The following KIF13A variants were observed in gnomAD, a reference collection of about 807,000 sequenced individuals.
KIF13A encodes kinesin-like protein KIF13A.
In KIF13A, 79 loss-of-function variants were observed where a neutral mutation model predicts 212.2. The observed-to-expected ratio is 0.37, with a 90% CI of 0.31 to 0.45. KIF13A has a LOEUF of 0.45. Among genes scored for constraint, KIF13A ranks in the 20% least tolerant of loss-of-function variants. KIF13A has a pLI of 1.00. For synonymous variants in KIF13A, 789 were observed against 808.6 expected, an observed-to-expected ratio of 0.98 and a Z score of 0.41; for missense variants, 1,901 against 2,209.0, an observed-to-expected ratio of 0.86 and a Z score of 2.79.
At chr6:17,937,292 T>C (rs1776548375) in intron 2 of KIF13A, among the ~76,000 whole-genome samples, 1 of 152,214 alleles carries the variant, frequency 6.6e-6, no homozygotes, top group Non-Finnish European at 1.5e-5. Context: ...CTCTGGTAAC[T>C]CCAATATTTG....
intron 2 of KIF13A, among the ~76,000 whole-genome samples, chr6:17,931,198 C>T (rs1373004942): frequency 6.6e-6 from 1 of 152,144 alleles, no homozygotes; most frequent in East Asian, 1.9e-4. Context: ...CCAGTTTATT[C>T]TAAGGTCACG....
At chr6:17,836,738 A>G in intron 11 of KIF13A, 140 bp downstream of exon 11, 1 of 781,260 alleles carries the variant, frequency 1.3e-6, no homozygotes, top group South Asian at 1.6e-5. Flanking sequence ...ACTGGTGATT[A>G]CAATTCAACA....
chr6:17,846,366 A>C (rs897751015), intron 9 of KIF13A, among the ~76,000 whole-genome samples: 1 of 152,124 alleles, frequency 6.6e-6, no homozygotes, highest in Non-Finnish European at 1.5e-5. Flanking sequence ...TGAGACTCTC[A>C]GAGTGTATGA....
rs149719669 is a variant in KIF13A, at chr6:17,779,236, C to CATATAT, written c.3940-143_3940-138dup. On this transcript the variant is annotated intron_variant, in intron 32 of 38. Coordinates refer to ENST00000259711, the MANE Select transcript of KIF13A (RefSeq NM_022113.6). ...TAGATACTGATATTTTTTAAAGTAG[C>CATATAT]ATATATATATATATATATATATTTT... 5.8e-3 allele frequency: 1,487 copies of CATATAT among 254,442 alleles called. 17 individuals are homozygous for CATATAT. The highest frequency in any genetic ancestry group is 0.02 in the African/African-American group (421 of 21,256). The allele number at this position is 254,442 out of a possible 1,614,324, so 15.8% of individuals were successfully genotyped here.
intron 25 of KIF13A, among the ~76,000 whole-genome samples, chr6:17,790,662 C>T (rs1017742160): frequency 3.0e-4 from 45 of 152,286 alleles, no homozygotes; most frequent in African/African-American, 1.0e-3. Context: ...TAGGACCACA[C>T]AGATAATGGC....
In KIF13A at chr6:17,900,786, C is replaced by T. The variant is rs1334024166; in HGVS notation, c.147-2606G>A. Among the ~76,000 whole-genome samples, 1 of 152,066 alleles carries T rather than the reference C, an allele frequency of 6.6e-6. No homozygotes were observed. Among genetic ancestry groups the T allele is most frequent in the African/African-American group, 2.4e-5 (1 of 41,392 alleles). On this transcript the variant is annotated intron_variant, in intron 2 of 38. Coordinates refer to ENST00000259711, the MANE Select transcript of KIF13A (RefSeq NM_022113.6). The surrounding 1 kb of genome is among the most constrained non-coding windows in gnomAD (Gnocchi z 4.6). ...TAAGGGACTCGAACAAAACTGAGAGCTCAGTCCAGGGGCCAGGCACAGTGG... is the reference window on the plus strand; with the variant it reads ...TAAGGGACTCGAACAAAACTGAGAGTTCAGTCCAGGGGCCAGGCACAGTGG...
At chr6:17,833,010 T>C (rs1765584655) in intron 12 of KIF13A, among the ~76,000 whole-genome samples, 1 of 95,302 alleles carries the variant, frequency 1.0e-5, no homozygotes, top group Non-Finnish European at 1.8e-5. Context: ...AGAGACTCTG[T>C]CTGCAAAAAA....
At position 17,963,467 on chromosome 6, in the gene KIF13A, G is replaced by A. The variant is rs1433131565; in HGVS notation, c.146+23587C>T. Among the ~76,000 whole-genome samples the A allele has an allele frequency of 2.6e-5, 4 of 152,148 alleles. No homozygotes were observed. The highest frequency in any genetic ancestry group is 5.9e-5 in the Non-Finnish European group (4 of 68,034). ...AGAAGAGCATCATGTGAAGTAACAT[G>A]GATAGATAAGGTCTTACAATATGAA... On this transcript the variant is annotated intron_variant, in intron 2 of 38. Transcript: ENST00000259711. This position sits in a 1 kb window ranked among gnomAD's most constrained non-coding sequence, Gnocchi z 4.1.
At position 17,799,709 on chromosome 6, in the gene KIF13A, C is replaced by T. The variant is rs371014797; in HGVS notation, c.2616+243G>A. 2.2e-4 allele frequency among the ~76,000 whole-genome samples: 34 copies of T among 152,250 alleles called. No homozygotes were observed. The highest frequency in any genetic ancestry group is 7.7e-4 in the African/African-American group (32 of 41,550). On this transcript the variant is annotated intron_variant, in intron 21 of 38. Coordinates refer to ENST00000259711, the MANE Select transcript of KIF13A (RefSeq NM_022113.6). The surrounding 1 kb of genome is among the most constrained non-coding windows in gnomAD (Gnocchi z 4.4). ...TGAGATGCAACCTTTAATAGAAAAA[C>T]ATAATTCACTAAGCAACATACACTT...
rs1344172821 is a variant in KIF13A at position 17,777,549 on chromosome 6, T to G, written c.4093-195A>C. 6.6e-6 allele frequency among the ~76,000 whole-genome samples: 1 copy of G among 151,688 alleles called. No individual in the cohort carries two copies. The highest frequency in any genetic ancestry group is 2.4e-5 in the African/African-American group (1 of 41,300). Reference sequence around the variant, plus strand: ...GTGCACGCCACCACACTCGGCTAATTTTTTTTTGTATTTTAGTAGAGACGG... The same window carrying G: ...GTGCACGCCACCACACTCGGCTAATGTTTTTTTGTATTTTAGTAGAGACGG... On this transcript the variant is annotated intron_variant, in intron 33 of 38. Coordinates refer to ENST00000259711, the MANE Select transcript of KIF13A (RefSeq NM_022113.6). This position sits in a 1 kb window ranked among gnomAD's most constrained non-coding sequence, Gnocchi z 4.4.
chr6:17,862,788 A>G (rs1768940691), intron 4 of KIF13A, among the ~76,000 whole-genome samples: 1 of 152,132 alleles, frequency 6.6e-6, no homozygotes, highest in African/African-American at 2.4e-5. Flanking sequence ...CTCTACTAAA[A>G]ATATAAAAAA....
At position 17,785,623 on chromosome 6, in the gene KIF13A, A is replaced by G; in HGVS notation, c.3380T>C (p.Val1127Ala). ...SNKTEKTEDD[V>A]EREAQLVEQW... ...CTCCACAAGCTGGGCTTCCCGCTCC[A>G]CATCGTCCTCTGTTTTCTCTGCAGA... The change falls in exon 28 of 39, where the codon GTG becomes GCG. Residue 1127 changes from valine (V) to alanine (A), a missense_variant. By Grantham distance (64) the Val-to-Ala change is moderately conservative (BLOSUM62 0). Coordinates refer to ENST00000259711, the MANE Select transcript of KIF13A (RefSeq NM_022113.6). This position sits in a 1 kb window ranked among gnomAD's most constrained non-coding sequence, Gnocchi z 5.8. The G allele has an allele frequency of 1.2e-6, 2 of 1,605,888 alleles. No individual in the cohort carries two copies. Among genetic ancestry groups the G allele is most frequent in the Non-Finnish European group, 8.5e-7 (1 of 1,176,382 alleles).
Position 17,817,245 on chromosome 6 carries a change from A to G in KIF13A, c.1787-12T>C, listed in dbSNP as rs1427843363. The G allele has an allele frequency of 3.1e-6, 5 of 1,612,292 alleles. No individual in the cohort carries two copies. The highest frequency in any genetic ancestry group is 2.5e-6 in the Non-Finnish European group (3 of 1,178,344). Reference sequence around the variant, plus strand: ...ATTTTGAACTGGGTCTAGTGAGCCAAGAGACAAGGCAAGGTGTCTTAGTGG... The same window carrying G: ...ATTTTGAACTGGGTCTAGTGAGCCAGGAGACAAGGCAAGGTGTCTTAGTGG... On this transcript the variant is annotated splice_polypyrimidine_tract_variant and intron_variant, in intron 16 of 38. Coordinates refer to ENST00000259711, the MANE Select transcript of KIF13A (RefSeq NM_022113.6).
At chr6:17,974,508 A>G (rs905380128) in intron 2 of KIF13A, among the ~76,000 whole-genome samples, 1 of 152,212 alleles carries the variant, frequency 6.6e-6, no homozygotes, top group African/African-American at 2.4e-5. Context: ...ACCCCCAGAC[A>G]CTGTGGAGCA....
At chr6:17,928,139 G>A (rs985909512) in intron 2 of KIF13A, among the ~76,000 whole-genome samples, 1 of 152,164 alleles carries the variant, frequency 6.6e-6, no homozygotes, top group Non-Finnish European at 1.5e-5. Flanking sequence ...AAAATAAACT[G>A]AAGTCTGTGA....
chr6:17,807,361 G>T (rs1056045106), intron 18 of KIF13A, among the ~76,000 whole-genome samples: 1 of 152,008 alleles, frequency 6.6e-6, no homozygotes, highest in African/African-American at 2.4e-5. Context: ...ATGCATTGTG[G>T]GGGGAGGTCT....
intron 2 of KIF13A, among the ~76,000 whole-genome samples, chr6:17,965,951 G>A (rs941303982): frequency 6.6e-6 from 1 of 152,172 alleles, no homozygotes; most frequent in Admixed American, 6.5e-5. Context: ...TGAGGCAGGC[G>A]GATCACTTGA....
intron 3 of KIF13A, among the ~76,000 whole-genome samples, chr6:17,882,611 G>T (rs934548821): frequency 6.6e-6 from 1 of 151,444 alleles, no homozygotes; most frequent in South Asian, 2.1e-4. Context: ...GCCCAGGCTG[G>T]AGCGTAGTGG....
At chr6:17,913,224 G>C (rs111407075) in intron 2 of KIF13A, among the ~76,000 whole-genome samples, 5,112 of 40,538 alleles carry the variant, frequency 0.13, 299 homozygotes, top group African/African-American at 0.22. Flanking sequence ...ATTACGGGAG[G>C]AGCAGGGAGC....
Sources: gnomAD v4.1 joint callset for allele counts (sites outside exome capture counted in the v4.1 genomes callset) on GRCh38, gnomAD v4.1.1 for gene constraint, Gnocchi (gnomAD v3.1) non-coding constraint, MANE v1.5 for transcripts, NCBI Gene and HGNC (gene_info 2026-07-23, HGNC 2026-07-21) for gene names.